The following ABCB11 variants were observed in gnomAD, a reference collection of about 807,000 sequenced individuals.
ABCB11 encodes bile salt export pump.
ABCB11 carries 95 observed loss-of-function variants against 148.0 expected under a neutral mutation model. The observed-to-expected ratio is 0.64, with a 90% CI of 0.54 to 0.76. The LOEUF (loss-of-function observed/expected upper bound fraction) is 0.76. ABCB11 is among the 30% of genes least tolerant of loss of function. The pLI is 0.00. For missense variants in ABCB11, 1,523 were observed against 1,617.8 expected, an observed-to-expected ratio of 0.94 and a Z score of 1.01; for synonymous variants, 591 against 555.4, an observed-to-expected ratio of 1.06 and a Z score of -0.90.
chr2:169,029,724 C>A (rs1408510143), intron 1 of ABCB11, among the ~76,000 whole-genome samples: 2 of 88,302 alleles, frequency 2.3e-5, no homozygotes, highest in Admixed American at 2.4e-4. Context: ...GTTCTTTCCT[C>A]TTTTTTTTTT....
At chr2:168,932,082 G>A (rs1484531948) in intron 24 of ABCB11, among the ~76,000 whole-genome samples, 1 of 151,978 alleles carries the variant, frequency 6.6e-6, no homozygotes, top group Admixed American at 6.6e-5. Context: ...AGGTATACAC[G>A]TGTCATGGTG....
chr2:168,920,502 T>C (rs954609134), downstream of ABCB11, among the ~76,000 whole-genome samples: 2 of 152,080 alleles, frequency 1.3e-5, no homozygotes, highest in Non-Finnish European at 2.9e-5. Flanking sequence ...TCTTTTTGTT[T>C]TACTTTCAGA....
Position 168,989,466 on chromosome 2 carries a change from T to C in ABCB11, c.908+1335A>G, listed in dbSNP as rs575210350. ...ATGGACTTCTTTCTGGGCTCTCCAT[T>C]CTTTTTCACTGGTCTATGTGTCTGT... On this transcript the variant is annotated intron_variant, in intron 9 of 27. Coordinates refer to ENST00000650372, the MANE Select transcript of ABCB11 (RefSeq NM_003742.4). Among the ~76,000 whole-genome samples, 6 of 152,250 alleles carry C rather than the reference T, an allele frequency of 3.9e-5. No individual in the cohort carries two copies. In the South Asian group the frequency reaches 1.2e-3, roughly 32 times the overall value.
At chr2:169,014,379 A>G (rs748433373) in intron 3 of ABCB11, 25 bp from the exon 4 acceptor site, 39 of 1,605,626 alleles carry the variant, frequency 2.4e-5, no homozygotes, top group Non-Finnish European at 3.3e-5. Context: ...ATAAGGATTT[A>G]AAGACCACCC....
chr2:169,025,977 A>T (rs1695682210), intron 1 of ABCB11, among the ~76,000 whole-genome samples: 1 of 152,230 alleles, frequency 6.6e-6, no homozygotes, highest in Non-Finnish European at 1.5e-5. Context: ...TCTAAATTGG[A>T]TGCTGTTAAA....
intron 9 of ABCB11, among the ~76,000 whole-genome samples, chr2:168,988,367 G>A (rs1694399424): frequency 6.6e-6 from 1 of 151,952 alleles, no homozygotes; most frequent in African/African-American, 2.4e-5. Flanking sequence ...GTATTTTTCT[G>A]TGCCTGGCTT....
intron 17 of ABCB11, among the ~76,000 whole-genome samples, chr2:168,967,562 T>C (rs1693372950): frequency 6.6e-6 from 1 of 151,918 alleles, no homozygotes; most frequent in Admixed American, 6.6e-5. Context: ...TAAATAATTA[T>C]CCATCTTGAA....
intron 15 of ABCB11, 90 bp downstream of exon 15, chr2:168,969,955 A>AAACCAC: frequency 1.8e-6 from 1 of 545,920 alleles, no homozygotes; most frequent in Non-Finnish European, 3.6e-6. Flanking sequence ...AACTACTCCC[A>AAACCAC]TCCCTCCCAC....
rs55859131 is a variant in ABCB11 at position 168,979,672 on chromosome 2, CAAA to C, written c.1197+191_1197+193del. On this transcript the variant is annotated intron_variant, in intron 11 of 27. Coordinates refer to ENST00000650372, the MANE Select transcript of ABCB11 (RefSeq NM_003742.4). ...GGGCAACAAGAGCGAAACTCCATCT[CAAA>C]AAAAAAAAAAAAAAAAAAAAAAAAG... 0.021 allele frequency among the ~76,000 whole-genome samples: 2,059 copies of C among 99,420 alleles called. 5 individuals are homozygous for C. Among genetic ancestry groups the C allele is most frequent in the African/African-American group, 0.041 (1,061 of 25,902 alleles). 65.2% of individuals were successfully genotyped at this position (99,420 alleles called of 152,430 possible).
intron 21 of ABCB11, among the ~76,000 whole-genome samples, chr2:168,936,668 A>G (rs1691843599): frequency 6.6e-6 from 1 of 152,180 alleles, no homozygotes; most frequent in Non-Finnish European, 1.5e-5. Flanking sequence ...TGTATCCATT[A>G]AACAATAACC....
downstream of ABCB11, among the ~76,000 whole-genome samples, chr2:168,915,791 A>G (rs1690929512): frequency 6.6e-6 from 1 of 152,246 alleles, no homozygotes; most frequent in Non-Finnish European, 1.5e-5. Context: ...TATTTCATTG[A>G]CAAGACAATG....
chr2:168,936,104 G>C lies in ABCB11; in HGVS notation c.2814+126C>G, dbSNP rs550663972. The stretch of plus-strand genomic sequence containing the variant: ...GCACGCATAGAAAGGGTGGTGGAAG[G>C]TTCTTAAGTGTGCCTGTCTTGTGGG... On this transcript the variant is annotated intron_variant, in intron 22 of 27. Coordinates refer to ENST00000650372, the MANE Select transcript of ABCB11 (RefSeq NM_003742.4). 6.4e-5 allele frequency: 59 copies of C among 917,840 alleles called. 1 individual carries two copies. Among genetic ancestry groups the C allele is most frequent in the Middle Eastern group, 3.0e-4 (1 of 3,316 alleles). 56.9% of individuals were successfully genotyped at this position (917,840 alleles called of 1,614,324 possible).
At chr2:168,981,069 T>C (rs1378516536) in intron 10 of ABCB11, among the ~76,000 whole-genome samples, 2 of 152,188 alleles carry the variant, frequency 1.3e-5, no homozygotes, top group Non-Finnish European at 2.9e-5. Flanking sequence ...CAAATGATCC[T>C]GGTCTGTGAT....
Position 169,013,259 on chromosome 2 carries a change from A to C in ABCB11, c.389+13T>G, listed in dbSNP as rs771042165. The C allele has an allele frequency of 6.3e-7, 1 of 1,577,896 alleles. No homozygotes were observed. The highest frequency in any genetic ancestry group is 1.8e-5 in the Admixed American group (1 of 54,314). On this transcript the variant is annotated intron_variant, in intron 5 of 27. Transcript: ENST00000650372. ...AGCAAAAAAGTAAAAAATTAAAAAC[A>C]AAAACAACCTACCCACAACGTGTTC...
intron 19 of ABCB11, among the ~76,000 whole-genome samples, chr2:168,945,532 GAGAA>G (rs1465640965): frequency 6.6e-6 from 1 of 151,324 alleles, no homozygotes; most frequent in Non-Finnish European, 1.5e-5. Flanking sequence ...TAATAAAACT[GAGAA>G]AGAAGGAAGA....
At chr2:168,930,243 G>A (rs1030284726) in intron 25 of ABCB11, among the ~76,000 whole-genome samples, 53 of 152,256 alleles carry the variant, frequency 3.5e-4, no homozygotes, top group African/African-American at 9.4e-4. Context: ...TCTTGAACAA[G>A]GATTGTCTTA....
intron 19 of ABCB11, among the ~76,000 whole-genome samples, chr2:168,954,621 T>C (rs1397105741): frequency 6.6e-6 from 1 of 151,648 alleles, no homozygotes; most frequent in Non-Finnish European, 1.5e-5. Flanking sequence ...CCTTTATAGA[T>C]GAGTAGATGC....
chr2:168,929,404 A>C (rs564063264), intron 25 of ABCB11, among the ~76,000 whole-genome samples: 13 of 152,336 alleles, frequency 8.5e-5, no homozygotes, highest in Admixed American at 4.6e-4. Flanking sequence ...AAAGAATGCA[A>C]GAAAAAAAGA....
At chr2:168,999,089 A>AT (rs956797603) in intron 5 of ABCB11, among the ~76,000 whole-genome samples, 7 of 151,992 alleles carry the variant, frequency 4.6e-5, no homozygotes, top group African/African-American at 1.7e-4. Context: ...ACAGAATGGC[A>AT]TTTTTTTAAC....
Sources: allele counts gnomAD v4.1 joint callset (sites outside exome capture counted in the v4.1 genomes callset), GRCh38; gene constraint gnomAD v4.1.1; transcripts MANE v1.5; gene names NCBI Gene and HGNC (gene_info 2026-07-23, HGNC 2026-07-21).